Variants in OR5J2 observed in about 807,000 individuals in gnomAD.
The protein encoded by OR5J2 is olfactory receptor 5J2.
A neutral mutation model predicts 6.7 loss-of-function variants in OR5J2; 4 were observed. That is an observed-to-expected ratio of 0.60 (90% confidence interval 0.29 to 1.37). The LOEUF (loss-of-function observed/expected upper bound fraction) is 1.37. Among genes scored for constraint, OR5J2 ranks in the 40% most tolerant of loss-of-function variants. OR5J2 has a pLI of 0.09. For missense variants in OR5J2, 415 were observed against 366.4 expected (o/e 1.13, Z -1.08); for synonymous variants, 174 against 140.4 (o/e 1.24, Z -1.69).
Position 56,176,827 on chromosome 11 carries a change from T to C in OR5J2, c.210T>C (p.Asp70=). ...YFLLSCLSFV[D]ACYSSAIAPK... ...TACTCAGCTGTCTTTCATTTGTGGA[T>C]GCCTGCTATTCATCTGCAATTGCAC... is the stretch of plus-strand genomic sequence containing the variant. Residue 70 remains aspartate, a synonymous_variant, in exon 1 of 1, where the codon GAT becomes GAC. Transcript: ENST00000312298. The C allele has an allele frequency of 6.2e-7, 1 of 1,614,098 alleles. No homozygotes were observed. Among genetic ancestry groups the C allele is most frequent in the Non-Finnish European group, 8.5e-7 (1 of 1,179,950 alleles).
Position 56,176,949 on chromosome 11 carries a change from A to T in OR5J2, c.332A>T (p.Glu111Val). Residue 111 changes from glutamate to valine, a missense_variant, in exon 1 of 1, where the codon GAA (glutamate) becomes GTA (valine). Transcript: ENST00000312298. ...TGTTTCGGAGTGTTCATCACCACAG[A>T]AGGCTTCTTACTGTCAGTGATGGCC... ...HLCFGVFITT[E>V]GFLLSVMAYD... is the part of the protein sequence containing the mutation. 2 of 1,613,964 alleles carry T rather than the reference A, an allele frequency of 1.2e-6. No homozygotes were observed. The highest frequency in any genetic ancestry group is 1.7e-6 in the Non-Finnish European group (2 of 1,179,878).
Position 56,176,884 on chromosome 11 carries a change from G to A in OR5J2, c.267G>A (p.Lys89=), listed in dbSNP as rs1303910438. 1 of 1,613,966 alleles carries A rather than the reference G, an allele frequency of 6.2e-7. No homozygotes were observed. Among genetic ancestry groups the A allele is most frequent in the Admixed American group, 1.7e-5 (1 of 59,990 alleles). ...TGCTGGTGAACCTCCTGGTTGTGAA[G>A]GCAACAATTTCTTTCTCTGCTTGCA... ...PKMLVNLLVV[K]ATISFSACMV... is the part of the protein sequence containing the mutation. The change falls in exon 1 of 1, where the codon AAG becomes AAA. Residue 89 remains lysine (K), a synonymous_variant. Coordinates refer to ENST00000312298, the MANE Select transcript of OR5J2 (RefSeq NM_001005492.1).
chr11:56,177,144 A>T lies in OR5J2; in HGVS notation c.527A>T (p.His176Leu). 6.2e-7 allele frequency: 1 copy of T among 1,614,056 alleles called. No homozygotes were observed. Among genetic ancestry groups the T allele is most frequent in the Non-Finnish European group, 8.5e-7 (1 of 1,179,982 alleles). Residue 176 changes from histidine (H) to leucine (L), a missense_variant, in exon 1 of 1, where the codon CAC becomes CTC. Physicochemically the swap from His to Leu is moderately conservative, Grantham distance 99 (BLOSUM62 -3). Coordinates refer to ENST00000312298, the MANE Select transcript of OR5J2 (RefSeq NM_001005492.1). ...TTTTGTAGGCTAAATGCTGTCAGCC[A>T]CTTCTTCTGTGACATTCCTTCACTG... ...LSFCRLNAVS[H>L]FFCDIPSLLK... is the part of the protein sequence containing the mutation.
rs1470427588 is a variant in OR5J2 at position 56,176,712 on chromosome 11, T to C, written c.95T>C (p.Leu32Pro). The C allele has an allele frequency of 1.2e-6, 2 of 1,614,006 alleles. No individual in the cohort carries two copies. The highest frequency in any genetic ancestry group is 4.5e-5 in the East Asian group (2 of 44,878). ...ELKAVLFVVF[L>P]VIYAITLLRN... ...AAAGCTGTGCTTTTTGTGGTGTTCC[T>C]GGTGATTTACGCCATTACCTTGTTG... Residue 32 changes from leucine to proline, a missense_variant, in exon 1 of 1, where the codon CTG (leucine) becomes CCG (proline). Transcript: ENST00000312298.
rs1336941958 is a variant in OR5J2 at position 56,177,511 on chromosome 11, GGAGGCA to G, written c.896_901del (p.Glu299_Ala300del). On this transcript the variant is annotated inframe_deletion, in exon 1 of 1. Transcript: ENST00000312298. ...ACAGTTTGAGAAACAAGGACGTAAA[GGAGGCA>G]GTGAAAAGGGCCATAGAAATGAAAC... 2 of 1,608,452 alleles carry G rather than the reference GGAGGCA, an allele frequency of 1.2e-6. No homozygotes were observed. The highest frequency in any genetic ancestry group is 1.7e-5 in the Admixed American group (1 of 59,894).
chr11:56,177,483 T>C lies in OR5J2; in HGVS notation c.866T>C (p.Ile289Thr). ...GGGATTCCCATGTTAAACCTGTTGA[T>C]ACACAGTTTGAGAAACAAGGACGTA... is the stretch of plus-strand genomic sequence containing the variant. ...TLGIPMLNLL[I>T]HSLRNKDVKE... is the part of the protein sequence containing the mutation. The change falls in exon 1 of 1, where the codon ATA (isoleucine) becomes ACA (threonine). Residue 289 changes from isoleucine to threonine, a missense_variant. Physicochemically the swap from Ile to Thr is moderately conservative, Grantham distance 89 (BLOSUM62 -1). Transcript: ENST00000312298. 6.2e-7 allele frequency: 1 copy of C among 1,612,870 alleles called. No individual in the cohort carries two copies. The highest frequency in any genetic ancestry group is 8.5e-7 in the Non-Finnish European group (1 of 1,179,856).
Position 56,177,502 on chromosome 11 carries a change from G to A in OR5J2, c.885G>A (p.Lys295=). 6.2e-7 allele frequency: 1 copy of A among 1,610,184 alleles called. No homozygotes were observed. Among genetic ancestry groups the A allele is most frequent in the South Asian group, 1.1e-5 (1 of 91,076 alleles). ...TGTTGATACACAGTTTGAGAAACAA[G>A]GACGTAAAGGAGGCAGTGAAAAGGG... ...LNLLIHSLRN[K]DVKEAVKRAI... Residue 295 remains lysine, a synonymous_variant, in exon 1 of 1, where the codon AAG becomes AAA. Transcript: ENST00000312298.
In OR5J2 at chr11:56,176,888, A is replaced by G; in HGVS notation, c.271A>G (p.Thr91Ala). 3 of 1,614,134 alleles carry G rather than the reference A, an allele frequency of 1.9e-6. No individual in the cohort carries two copies. The highest frequency in any genetic ancestry group is 2.5e-6 in the Non-Finnish European group (3 of 1,180,010). ...GGTGAACCTCCTGGTTGTGAAGGCA[A>G]CAATTTCTTTCTCTGCTTGCATGGT... Reference protein sequence around the residue: ...MLVNLLVVKATISFSACMVQH... With the variant: ...MLVNLLVVKAAISFSACMVQH... The change falls in exon 1 of 1, where the codon ACA (threonine) becomes GCA (alanine). Residue 91 changes from threonine to alanine, a missense_variant. Transcript: ENST00000312298.
chr11:56,176,792 A>G lies in OR5J2; in HGVS notation c.175A>G (p.Met59Val). ...IQITSKLHTP[M>V]YFLLSCLSFV... ...AATCACCTCCAAACTCCACACACCC[A>G]TGTACTTTTTACTCAGCTGTCTTTC... The change falls in exon 1 of 1, where the codon ATG becomes GTG. Residue 59 changes from methionine (M) to valine (V), a missense_variant. Transcript: ENST00000312298. The G allele has an allele frequency of 6.2e-7, 1 of 1,614,048 alleles. No individual in the cohort carries two copies. Among genetic ancestry groups the G allele is most frequent in the Non-Finnish European group, 8.5e-7 (1 of 1,179,980 alleles).
rs1317969127 is a variant in OR5J2 at position 56,176,962 on chromosome 11, G to A, written c.345G>A (p.Leu115=). The A allele has an allele frequency of 1.9e-6, 3 of 1,613,974 alleles. No homozygotes were observed. The highest frequency in any genetic ancestry group is 2.2e-5 in the East Asian group (1 of 44,880). Reference sequence around the variant, plus strand: ...TCATCACCACAGAAGGCTTCTTACTGTCAGTGATGGCCTATGACCGCTATG... The same window carrying A: ...TCATCACCACAGAAGGCTTCTTACTATCAGTGATGGCCTATGACCGCTATG... ...GVFITTEGFL[L]SVMAYDRYVA... is the part of the protein sequence containing the mutation. The change falls in exon 1 of 1, where the codon CTG becomes CTA. Residue 115 remains leucine, a synonymous_variant. Coordinates refer to ENST00000312298, the MANE Select transcript of OR5J2 (RefSeq NM_001005492.1).
rs1852547047 is a variant in OR5J2 at position 56,177,095 on chromosome 11, A to G, written c.478A>G (p.Thr160Ala). 5 of 1,614,092 alleles carry G rather than the reference A, an allele frequency of 3.1e-6. No individual in the cohort carries two copies. Among genetic ancestry groups the G allele is most frequent in the African/African-American group, 1.3e-5 (1 of 75,012 alleles). ...IGGIVNTLIH[T>A]ISLRRLSFCR... ...TGGAATAGTTAACACATTAATCCACACAATCAGCTTGAGGAGACTGTCCTT... is the reference window on the plus strand; with the variant it reads ...TGGAATAGTTAACACATTAATCCACGCAATCAGCTTGAGGAGACTGTCCTT... The change falls in exon 1 of 1, where the codon ACA becomes GCA. Residue 160 changes from threonine (T) to alanine (A), a missense_variant. Transcript: ENST00000312298.
At position 56,177,486 on chromosome 11, in the gene OR5J2, A is replaced by G. The variant is rs779014585; in HGVS notation, c.869A>G (p.His290Arg). 6.9e-5 allele frequency: 112 copies of G among 1,612,658 alleles called. No homozygotes were observed. In the East Asian group the frequency reaches 2.4e-3, roughly 35 times the overall value. The change falls in exon 1 of 1, where the codon CAC (histidine) becomes CGC (arginine). Residue 290 changes from histidine to arginine, a missense_variant. His to Arg is a conservative substitution (Grantham distance 29). Transcript: ENST00000312298. The part of the protein sequence containing the change: ...LGIPMLNLLI[H>R]SLRNKDVKEA... The stretch of plus-strand genomic sequence containing the variant: ...ATTCCCATGTTAAACCTGTTGATAC[A>G]CAGTTTGAGAAACAAGGACGTAAAG...
chr11:56,177,027 C>A lies in OR5J2; in HGVS notation c.410C>A (p.Ser137Tyr). Residue 137 changes from serine to tyrosine, a missense_variant, in exon 1 of 1, where the codon TCT (serine) becomes TAT (tyrosine). Transcript: ENST00000312298. The stretch of plus-strand genomic sequence containing the variant: ...CCCTTGCTTTACACTGTAGCCATGT[C>A]TGATAGAAAGTGTGTGGAGCTTGTC... The part of the protein sequence containing the change: ...VSPLLYTVAM[S>Y]DRKCVELVTG... 1 of 1,614,068 alleles carries A rather than the reference C, an allele frequency of 6.2e-7. No homozygotes were observed. Among genetic ancestry groups the A allele is most frequent in the Non-Finnish European group, 8.5e-7 (1 of 1,180,002 alleles).
chr11:56,176,964 C>T lies in OR5J2; in HGVS notation c.347C>T (p.Ser116Leu). ...VFITTEGFLL[S>L]VMAYDRYVAI... ...ATCACCACAGAAGGCTTCTTACTGT[C>T]AGTGATGGCCTATGACCGCTATGTG... The change falls in exon 1 of 1, where the codon TCA becomes TTA. Residue 116 changes from serine to leucine, a missense_variant. Transcript: ENST00000312298. 1 of 1,613,932 alleles carries T rather than the reference C, an allele frequency of 6.2e-7. No individual in the cohort carries two copies. Among genetic ancestry groups the T allele is most frequent in the Non-Finnish European group, 8.5e-7 (1 of 1,179,842 alleles).
At position 56,177,302 on chromosome 11, in the gene OR5J2, C is replaced by T. The variant is rs147148092; in HGVS notation, c.685C>T (p.His229Tyr). Residue 229 changes from histidine (H) to tyrosine (Y), a missense_variant, in exon 1 of 1, where the codon CAC becomes TAC. Physicochemically the swap from His to Tyr is moderately conservative, Grantham distance 83. Coordinates refer to ENST00000312298, the MANE Select transcript of OR5J2 (RefSeq NM_001005492.1). The part of the protein sequence containing the change: ...IFIAFASLRI[H>Y]SASGRQQAFS... ...CATTGCTTTTGCTAGCCTAAGGATC[C>T]ACTCAGCATCAGGCAGACAGCAAGC... 124 of 1,613,812 alleles carry T rather than the reference C, an allele frequency of 7.7e-5. No individual in the cohort carries two copies. In the African/African-American group the frequency reaches 1.2e-3, roughly 16 times the overall value.
Position 56,176,775 on chromosome 11 carries a change from C to A in OR5J2, c.158C>A (p.Ser53Tyr). ...ATGATCCTCTTAATCCAAATCACCT[C>A]CAAACTCCACACACCCATGTACTTT... ...LGMILLIQIT[S>Y]KLHTPMYFLL... is the part of the protein sequence containing the mutation. The change falls in exon 1 of 1, where the codon TCC (serine) becomes TAC (tyrosine). Residue 53 changes from serine to tyrosine, a missense_variant. Physicochemically the swap from Ser to Tyr is moderately radical, Grantham distance 144. Transcript: ENST00000312298. 6.2e-7 allele frequency: 1 copy of A among 1,614,074 alleles called. No homozygotes were observed. Among genetic ancestry groups the A allele is most frequent in the Non-Finnish European group, 8.5e-7 (1 of 1,180,006 alleles).
Position 56,177,057 on chromosome 11 carries a change from G to A in OR5J2, c.440G>A (p.Gly147Glu). The A allele has an allele frequency of 6.2e-7, 1 of 1,614,034 alleles. No homozygotes were observed. Among genetic ancestry groups the A allele is most frequent in the Non-Finnish European group, 8.5e-7 (1 of 1,179,968 alleles). Residue 147 changes from glycine to glutamate, a missense_variant, in exon 1 of 1, where the codon GGA (glycine) becomes GAA (glutamate). By Grantham distance (98) the Gly-to-Glu change is moderately conservative. Coordinates refer to ENST00000312298, the MANE Select transcript of OR5J2 (RefSeq NM_001005492.1). Reference protein sequence around the residue: ...SDRKCVELVTGSWIGGIVNTL... With the variant: ...SDRKCVELVTESWIGGIVNTL... The stretch of plus-strand genomic sequence containing the variant: ...AGAAAGTGTGTGGAGCTTGTCACAG[G>A]ATCATGGATAGGTGGAATAGTTAAC...
At position 56,177,364 on chromosome 11, in the gene OR5J2, C is replaced by A; in HGVS notation, c.747C>A (p.Thr249=). 5 of 1,614,040 alleles carry A rather than the reference C, an allele frequency of 3.1e-6. No individual in the cohort carries two copies. Among genetic ancestry groups the A allele is most frequent in the Non-Finnish European group, 4.2e-6 (5 of 1,179,966 alleles). Residue 249 remains threonine, a synonymous_variant, in exon 1 of 1, where the codon ACC becomes ACA. Transcript: ENST00000312298. ...STCASHLTAV[T]IFYGTLIFSY... ...GTGCCTCTCACCTGACTGCTGTGAC[C>A]ATATTCTATGGTACCTTAATCTTTA... is the stretch of plus-strand genomic sequence containing the variant.
rs767520561 is a variant in OR5J2, at chr11:56,176,861, C to T, written c.244C>T (p.Leu82=). The T allele has an allele frequency of 1.2e-6, 2 of 1,614,102 alleles. No homozygotes were observed. The highest frequency in any genetic ancestry group is 1.7e-6 in the Non-Finnish European group (2 of 1,179,970). Residue 82 remains leucine, a synonymous_variant, in exon 1 of 1, where the codon CTG becomes TTG. Transcript: ENST00000312298. ...CYSSAIAPKM[L]VNLLVVKATI... ...TTCATCTGCAATTGCACCCAAAATG[C>T]TGGTGAACCTCCTGGTTGTGAAGGC...
Sources: gnomAD v4.1 joint callset for allele counts on GRCh38, gnomAD v4.1.1 for gene constraint, MANE v1.5 for transcripts, NCBI Gene and HGNC (gene_info 2026-07-23, HGNC 2026-07-21) for gene names.